The following VPS13B variants were observed in gnomAD, a reference collection of about 807,000 sequenced individuals.
VPS13B encodes intermembrane lipid transfer protein VPS13B.
Under a neutral mutation model 426.4 loss-of-function variants are expected in VPS13B, and 285 were observed. The observed-to-expected ratio is 0.67, with a 90% CI of 0.61 to 0.74. The LOEUF is 0.74. Among genes scored for constraint, VPS13B ranks in the 30% least tolerant of loss-of-function variants. VPS13B has a pLI of 0.00. For missense variants in VPS13B, 4,537 were observed against 4,782.6 expected, an observed-to-expected ratio of 0.95 and a Z score of 1.51; for synonymous variants, 1,676 against 1,676.4, an observed-to-expected ratio of 1.00 and a Z score of 0.01.
chr8:99,296,477 A>T (rs1356149822), intron 19 of VPS13B, among the ~76,000 whole-genome samples: 1 of 152,166 alleles, frequency 6.6e-6, no homozygotes, highest in Admixed American at 6.5e-5. Flanking sequence ...TAAAATGGAA[A>T]CCTGGACTGA....
intron 33 of VPS13B, among the ~76,000 whole-genome samples, chr8:99,584,952 C>T (rs962295600): frequency 2.6e-5 from 4 of 152,076 alleles, no homozygotes; most frequent in East Asian, 1.9e-4. Context: ...TACACCTACT[C>T]GTGTGCAGAG....
chr8:99,620,512 A>T (rs1264318550), intron 33 of VPS13B, among the ~76,000 whole-genome samples: 3 of 152,186 alleles, frequency 2.0e-5, no homozygotes, highest in Non-Finnish European at 4.4e-5. Flanking sequence ...AAAGCTGTGC[A>T]TAGAAGGAGA....
intron 30 of VPS13B, among the ~76,000 whole-genome samples, chr8:99,553,452 T>C (rs1824386239): frequency 6.6e-6 from 1 of 152,162 alleles, no homozygotes; most frequent in Non-Finnish European, 1.5e-5. Context: ...TACTTGTGCA[T>C]CTGTGATTAG....
chr8:99,368,183 A>G (rs112050734), intron 19 of VPS13B, among the ~76,000 whole-genome samples: 104 of 152,346 alleles, frequency 6.8e-4, no homozygotes, highest in Admixed American at 1.4e-3. Flanking sequence ...AGAAAGAGAC[A>G]TATGATAGCC....
intron 19 of VPS13B, among the ~76,000 whole-genome samples, chr8:99,368,028 T>G (rs1286587121): frequency 1.3e-5 from 2 of 152,224 alleles, no homozygotes; most frequent in Admixed American, 6.5e-5. Flanking sequence ...GTTCTAAGAC[T>G]ATTGTTAATT....
chr8:99,545,584 A>G (rs1823926539), intron 30 of VPS13B, among the ~76,000 whole-genome samples: 3 of 152,102 alleles, frequency 2.0e-5, no homozygotes, highest in African/African-American at 7.2e-5. Context: ...TTGCTAGGTG[A>G]TAGGTTACAT....
intron 8 of VPS13B, among the ~76,000 whole-genome samples, chr8:99,133,698 C>T (rs564342538): frequency 6.6e-6 from 1 of 152,014 alleles, no homozygotes; most frequent in East Asian, 1.9e-4. Context: ...GAAATAGGCC[C>T]AAGGAGAAGG....
At chr8:99,305,747 T>C (rs1779521104) in intron 19 of VPS13B, among the ~76,000 whole-genome samples, 1 of 152,102 alleles carries the variant, frequency 6.6e-6, no homozygotes, top group African/African-American at 2.4e-5. Flanking sequence ...GATAAACCTG[T>C]CTTTAATGGG....
At chr8:99,153,928 T>G (rs1307375501) in intron 14 of VPS13B, among the ~76,000 whole-genome samples, 7 of 152,024 alleles carry the variant, frequency 4.6e-5, no homozygotes, top group Non-Finnish European at 8.8e-5. Flanking sequence ...TTTTCTCCTT[T>G]TGAAGGATAA....
intron 30 of VPS13B, among the ~76,000 whole-genome samples, chr8:99,523,567 C>G (rs1010258167): frequency 6.6e-6 from 1 of 152,192 alleles, no homozygotes; most frequent in Non-Finnish European, 1.5e-5. Flanking sequence ...GGGAAGAGAG[C>G]AAGAGTCTTT....
chr8:99,157,224 C>G (rs1353653968), intron 15 of VPS13B, among the ~76,000 whole-genome samples: 2 of 149,428 alleles, frequency 1.3e-5, no homozygotes, highest in Admixed American at 1.3e-4. Context: ...TTTTATCATG[C>G]ATTACTTTAT....
Position 99,578,277 on chromosome 8 carries a change from C to G in VPS13B, c.5220+644C>G, listed in dbSNP as rs1825868516. Among the ~76,000 whole-genome samples, 3 of 152,032 alleles carry G rather than the reference C, an allele frequency of 2.0e-5. No individual in the cohort carries two copies. In the South Asian group the frequency reaches 6.2e-4, roughly 31 times the overall value. The stretch of plus-strand genomic sequence containing the variant: ...TTAGAATAAATATTTTATAAAAACT[C>G]AGGTGAACAAACTGTTTATATATGA... On this transcript the variant is annotated intron_variant, in intron 33 of 61. Transcript: ENST00000357162.
chr8:99,072,625 T>C (rs889510672), intron 3 of VPS13B, among the ~76,000 whole-genome samples: 1 of 152,200 alleles, frequency 6.6e-6, no homozygotes, highest in African/African-American at 2.4e-5. Flanking sequence ...ATTTCTGTTT[T>C]TATTGTTTGG....
At chr8:99,640,025 T>G (rs4735630) in intron 33 of VPS13B, among the ~76,000 whole-genome samples, 55,425 of 103,842 alleles carry the variant, frequency 0.53, 14,742 homozygotes, top group African/African-American at 0.58. Flanking sequence ...ATAATAATAA[T>G]AAGAAGAAGA....
intron 19 of VPS13B, among the ~76,000 whole-genome samples, chr8:99,337,890 A>T (rs1386650106): frequency 6.6e-6 from 1 of 152,058 alleles, no homozygotes; most frequent in Non-Finnish European, 1.5e-5. Flanking sequence ...AATAGTTGTG[A>T]GGTAGAGATC....
At chr8:99,367,644 G>C (rs1812963400) in intron 19 of VPS13B, among the ~76,000 whole-genome samples, 1 of 152,064 alleles carries the variant, frequency 6.6e-6, no homozygotes, top group Non-Finnish European at 1.5e-5. Flanking sequence ...TTGACCTTTT[G>C]AATTTATTTT....
At chr8:99,746,014 A>C (rs1810067767) in intron 39 of VPS13B, among the ~76,000 whole-genome samples, 1 of 152,054 alleles carries the variant, frequency 6.6e-6, no homozygotes, top group Non-Finnish European at 1.5e-5. Context: ...ATGTTTCTTA[A>C]GTCTCTTTTA....
At chr8:99,640,297 G>A (rs954664599) in intron 33 of VPS13B, among the ~76,000 whole-genome samples, 1 of 151,760 alleles carries the variant, frequency 6.6e-6, no homozygotes, top group Admixed American at 6.6e-5. Context: ...TTGTTTTTGA[G>A]ATAGGGTCTC....
At chr8:99,644,574 G>A (rs1829503310) in intron 34 of VPS13B, among the ~76,000 whole-genome samples, 1 of 151,970 alleles carries the variant, frequency 6.6e-6, no homozygotes, top group Non-Finnish European at 1.5e-5. Flanking sequence ...ATAGGGGTGG[G>A]GGGTAAATGT....
Sources: gnomAD v4.1 joint callset for allele counts (sites outside exome capture counted in the v4.1 genomes callset) on GRCh38, gnomAD v4.1.1 for gene constraint, MANE v1.5 for transcripts, NCBI Gene and HGNC (gene_info 2026-07-23, HGNC 2026-07-21) for gene names.